The following CACNB2 variants were observed in gnomAD, a reference collection of about 807,000 sequenced individuals.
CACNB2 encodes voltage-dependent L-type calcium channel subunit beta-2.
A neutral mutation model predicts 73.3 loss-of-function variants in CACNB2; 42 were observed. The observed-to-expected ratio is 0.57, with a 90% confidence interval of 0.45 to 0.74. The LOEUF (loss-of-function observed/expected upper bound fraction) is 0.74. Among genes scored for constraint, CACNB2 ranks in the 30% least tolerant of loss-of-function variants. The pLI, the probability that CACNB2 is intolerant of heterozygous loss-of-function variation, is 0.00. For missense variants in CACNB2, 940 were observed against 853.0 expected (o/e 1.10, Z -1.27); for synonymous variants, 348 against 310.3 (o/e 1.12, Z -1.28).
At chr10:18,402,222 A>G (rs1037950954) in intron 3 of CACNB2, among the ~76,000 whole-genome samples, 179 bp downstream of exon 3, 5 of 152,168 alleles carry the variant, frequency 3.3e-5, no homozygotes, top group African/African-American at 1.2e-4. Flanking sequence ...GAAGTGTGGT[A>G]TGTAAGACTG....
chr10:18,340,573 C>T, intron 2 of CACNB2: 1 of 620,576 alleles, frequency 1.6e-6, no homozygotes, highest in South Asian at 3.3e-5. Context: ...CCTGTCGCAT[C>T]TGATACTAAT....
At chr10:18,413,992 G>A (rs1361780626) in intron 3 of CACNB2, among the ~76,000 whole-genome samples, 5 of 152,174 alleles carry the variant, frequency 3.3e-5, no homozygotes, top group South Asian at 2.1e-4. Context: ...AGTTATGTGC[G>A]GTCTTACACT....
At chr10:18,511,351 G>C (rs1404097727) in intron 6 of CACNB2, among the ~76,000 whole-genome samples, 1 of 151,974 alleles carries the variant, frequency 6.6e-6, no homozygotes. Context: ...AAATGAAAAG[G>C]AATAATTAAA....
chr10:18,350,460 G>A (rs371307983), intron 2 of CACNB2, among the ~76,000 whole-genome samples: 24 of 152,286 alleles, frequency 1.6e-4, no homozygotes, highest in East Asian at 1.4e-3. Flanking sequence ...AGCACTGCCT[G>A]TGCCTCCTTG....
chr10:18,423,692 T>C (rs986471552), intron 3 of CACNB2, among the ~76,000 whole-genome samples: 10 of 152,180 alleles, frequency 6.6e-5, no homozygotes, highest in Admixed American at 2.0e-4. Context: ...GAAGAGAATA[T>C]ATAGTAACAT....
chr10:18,232,883 C>T (rs7082967), intron 2 of CACNB2, among the ~76,000 whole-genome samples: 3 of 152,148 alleles, frequency 2.0e-5, no homozygotes, highest in African/African-American at 7.2e-5. Context: ...AGCCATCTTT[C>T]AAGACCAGCC....
chr10:18,276,988 G>A lies in CACNB2; in HGVS notation c.214-124936G>A, dbSNP rs566994358. Among the ~76,000 whole-genome samples, 39 of 152,276 alleles carry A rather than the reference G, an allele frequency of 2.6e-4. 1 individual carries two copies. The highest frequency in any genetic ancestry group is 1.2e-3 in the South Asian group (6 of 4,822). On this transcript the variant is annotated intron_variant, in intron 2 of 13. Coordinates refer to ENST00000324631, the MANE Select transcript of CACNB2 (RefSeq NM_201596.3). ...AATTATTAGCCTGGTGTGGTGGTAC[G>A]CACCTGCAGTCCCAGCTACTTGGGA...
At chr10:18,419,484 A>G (rs2132705392) in intron 3 of CACNB2, among the ~76,000 whole-genome samples, 1 of 152,332 alleles carries the variant, frequency 6.6e-6, no homozygotes, top group South Asian at 2.1e-4. Flanking sequence ...GATTGGACTA[A>G]GGTTATGAAC....
chr10:18,329,250 C>G (rs1290583139), intron 2 of CACNB2, among the ~76,000 whole-genome samples: 1 of 152,152 alleles, frequency 6.6e-6, no homozygotes, highest in East Asian at 1.9e-4. Flanking sequence ...GGACCCTCAA[C>G]TGTATTACAG....
intron 3 of CACNB2, among the ~76,000 whole-genome samples, chr10:18,410,895 A>G (rs2044586224): frequency 6.6e-6 from 1 of 152,112 alleles, no homozygotes; most frequent in South Asian, 2.1e-4. Flanking sequence ...CAAGAGAATC[A>G]CTGGAACCCA....
intron 2 of CACNB2, among the ~76,000 whole-genome samples, chr10:18,302,682 T>A (rs866536925): frequency 1.3e-5 from 2 of 152,012 alleles, no homozygotes; most frequent in South Asian, 4.1e-4. Context: ...AATGGCATAA[T>A]GGACTTTGAG....
chr10:18,340,910 C>T, intron 2 of CACNB2: 1 of 1,614,100 alleles, frequency 6.2e-7, no homozygotes. Flanking sequence ...GCTGGGCGCA[C>T]TTGGAATTGG....
chr10:18,372,492 T>C (rs7911051), intron 2 of CACNB2, among the ~76,000 whole-genome samples: 36,556 of 151,974 alleles, frequency 0.24, 4,908 homozygotes, highest in East Asian at 0.67. Flanking sequence ...CTGCAACCTC[T>C]GCCTCCCAGG....
chr10:18,242,079 A>T (rs1481090965), intron 2 of CACNB2, among the ~76,000 whole-genome samples: 1 of 147,332 alleles, frequency 6.8e-6, no homozygotes, highest in Non-Finnish European at 1.5e-5. Flanking sequence ...GCATGTATAT[A>T]TGTATATATG....
chr10:18,442,948 ATATATATATGTATATATATATG>A lies in CACNB2; in HGVS notation c.333+40907_333+40928del, dbSNP rs1564553422. On this transcript the variant is annotated intron_variant, in intron 3 of 13. Transcript: ENST00000324631. ...TATGTATATATATATATATGTGTAT[ATATATATATGTATATATATATG>A]TGTATATATATATATGTATATATAT... Among the ~76,000 whole-genome samples the A allele has an allele frequency of 8.4e-5, 3 of 35,576 alleles. 1 individual carries two copies. Among genetic ancestry groups the A allele is most frequent in the African/African-American group, 5.2e-4 (3 of 5,752 alleles). 23.3% of individuals were successfully genotyped at this position (35,576 alleles called of 152,430 possible).
intron 2 of CACNB2, among the ~76,000 whole-genome samples, chr10:18,398,024 A>G (rs941169157): frequency 1.3e-5 from 2 of 152,224 alleles, no homozygotes; most frequent in Non-Finnish European, 2.9e-5. Context: ...TAAGAGCCCT[A>G]GAGATCAAGG....
intron 2 of CACNB2, among the ~76,000 whole-genome samples, chr10:18,171,123 C>T (rs1480074540): frequency 6.6e-6 from 1 of 152,118 alleles, no homozygotes; most frequent in Non-Finnish European, 1.5e-5. Context: ...TTATGTTTAA[C>T]AGCACTGGAG....
chr10:18,317,063 C>T (rs971097039), intron 2 of CACNB2, among the ~76,000 whole-genome samples: 3 of 152,100 alleles, frequency 2.0e-5, no homozygotes, highest in Non-Finnish European at 2.9e-5. Flanking sequence ...TCTTACCTCC[C>T]ATGCACTCAT....
chr10:18,192,331 TAATC>T (rs1259626028), intron 2 of CACNB2, among the ~76,000 whole-genome samples: 1 of 152,084 alleles, frequency 6.6e-6, no homozygotes, highest in Non-Finnish European at 1.5e-5. Context: ...AACATACAAT[TAATC>T]ATTTTATTTT....
Sources: allele counts gnomAD v4.1 joint callset (sites outside exome capture counted in the v4.1 genomes callset), GRCh38; gene constraint gnomAD v4.1.1; transcripts MANE v1.5; gene names NCBI Gene and HGNC (gene_info 2026-07-23, HGNC 2026-07-21).